The following GLP2R variants were observed in gnomAD, a reference collection of about 807,000 sequenced individuals.
GLP2R encodes the protein glucagon-like peptide 2 receptor.
Under a neutral mutation model 68.2 loss-of-function variants are expected in GLP2R, and 59 were observed. That is an observed-to-expected ratio of 0.87 (90% CI 0.70 to 1.07). The LOEUF is 1.07. Among genes scored for constraint, GLP2R ranks in the 50% least tolerant of loss-of-function variants. The pLI is 0.00. For missense variants in GLP2R, 548 were observed against 677.4 expected (o/e 0.81, Z 2.12); for synonymous variants, 270 against 265.4 (o/e 1.02, Z -0.17).
intron 9 of GLP2R, among the ~76,000 whole-genome samples, chr17:9,867,318 A>G (rs1413114739): frequency 6.6e-6 from 1 of 152,214 alleles, no homozygotes; most frequent in Non-Finnish European, 1.5e-5. Context: ...GCATTTGCTG[A>G]CCAGCATCTG....
At chr17:9,826,358 A>G (rs2066629933) in intron 1 of GLP2R, 106 bp downstream of exon 1, 2 of 723,964 alleles carry the variant, frequency 2.8e-6, no homozygotes, top group East Asian at 5.8e-5. Context: ...AGAAAACAGT[A>G]TTAAGAAAAT....
At chr17:9,880,187 C>G (rs910732680) in intron 10 of GLP2R, among the ~76,000 whole-genome samples, 191 bp from the exon 11 acceptor site, 1 of 152,178 alleles carries the variant, frequency 6.6e-6, no homozygotes, top group Non-Finnish European at 1.5e-5. Flanking sequence ...CCCCATGCGT[C>G]AAGTGTAGGA....
At chr17:9,850,518 G>A (rs997625752) in intron 4 of GLP2R, among the ~76,000 whole-genome samples, 1 of 152,076 alleles carries the variant, frequency 6.6e-6, no homozygotes. Context: ...TCGATGACTG[G>A]CAAGATTTGG....
chr17:9,881,870 G>C (rs7222481), intron 11 of GLP2R, among the ~76,000 whole-genome samples: 40,533 of 151,930 alleles, frequency 0.27, 5,763 homozygotes, highest in Non-Finnish European at 0.31. Flanking sequence ...GCACAGCAGC[G>C]CAGGTCTTCA....
intron 4 of GLP2R, 70 bp from the exon 5 acceptor site, chr17:9,854,425 G>A: frequency 1.1e-6 from 1 of 903,932 alleles, no homozygotes; most frequent in Non-Finnish European, 1.9e-6. Context: ...GTGGCCCTGG[G>A]TGTGGAGCTG....
At chr17:9,884,417 GTT>G (rs2067223647) in intron 11 of GLP2R, among the ~76,000 whole-genome samples, 1 of 152,160 alleles carries the variant, frequency 6.6e-6, no homozygotes, top group South Asian at 2.1e-4. Context: ...CAGAGATGAG[GTT>G]TTTATTCAGA....
At chr17:9,878,951 C>T (rs1047289392) in intron 10 of GLP2R, among the ~76,000 whole-genome samples, 4 of 151,974 alleles carry the variant, frequency 2.6e-5, no homozygotes, top group Non-Finnish European at 5.9e-5. Flanking sequence ...AAAATCATTA[C>T]AATTACGCTC....
intron 11 of GLP2R, among the ~76,000 whole-genome samples, chr17:9,887,050 G>A (rs942083375): frequency 6.6e-5 from 10 of 152,170 alleles, no homozygotes; most frequent in African/African-American, 2.2e-4. Context: ...ATATGTAGGA[G>A]CCTGAGAAAG....
intron 11 of GLP2R, among the ~76,000 whole-genome samples, chr17:9,886,294 G>T (rs1285554602): frequency 2.0e-5 from 3 of 152,178 alleles, no homozygotes; most frequent in African/African-American, 7.2e-5. Context: ...AAACAGCGGT[G>T]ACATATGAAG....
Position 9,841,226 on chromosome 17 carries a change from C to T in GLP2R, c.383-1269C>T, listed in dbSNP as rs551416442. Among the ~76,000 whole-genome samples, 57 of 150,690 alleles carry T rather than the reference C, an allele frequency of 3.8e-4. No homozygotes were observed. The South Asian group carries it at 4.4e-3, about 12-fold the overall frequency. On this transcript the variant is annotated intron_variant, in intron 3 of 12. Transcript: ENST00000262441. Reference sequence around the variant, plus strand: ...TATTTTTAGTAGAGACAGGGTTTCACCATGTTGGCCAGGCTGGTCTCGAAC... The same window carrying T: ...TATTTTTAGTAGAGACAGGGTTTCATCATGTTGGCCAGGCTGGTCTCGAAC...
At chr17:9,888,384 G>A (rs1208965967) in intron 12 of GLP2R, among the ~76,000 whole-genome samples, 1 of 152,160 alleles carries the variant, frequency 6.6e-6, no homozygotes, top group African/African-American at 2.4e-5. Flanking sequence ...AATCATCCCT[G>A]CTTTGTAGTC....
intron 11 of GLP2R, among the ~76,000 whole-genome samples, chr17:9,887,336 G>T (rs563289928): frequency 3.7e-4 from 56 of 152,244 alleles, no homozygotes; most frequent in East Asian, 3.7e-3. Flanking sequence ...AGACCAGCCT[G>T]CCCAACATGG....
intron 11 of GLP2R, among the ~76,000 whole-genome samples, chr17:9,881,940 A>G (rs749397016): frequency 6.6e-6 from 1 of 152,052 alleles, no homozygotes; most frequent in African/African-American, 2.4e-5. Flanking sequence ...AGGACTTCTG[A>G]GATGATAAAG....
intron 1 of GLP2R, among the ~76,000 whole-genome samples, chr17:9,828,631 G>A (rs146519913): frequency 1.2e-4 from 18 of 152,284 alleles, no homozygotes; most frequent in Admixed American, 1.1e-3. Context: ...TTAAATGGTT[G>A]CGTTCGATGC....
chr17:9,879,838 G>C (rs1480301227), intron 10 of GLP2R, among the ~76,000 whole-genome samples: 1 of 152,200 alleles, frequency 6.6e-6, no homozygotes, highest in Non-Finnish European at 1.5e-5. Context: ...GTCCAGAAAG[G>C]AGTCTGCAGG....
chr17:9,891,401 G>T lies in GLP2R; in HGVS notation c.*1696G>T, dbSNP rs2067289529. On this transcript the variant is annotated 3_prime_UTR_variant, in exon 13 of 13. Transcript: ENST00000262441. ...AACAAATTAACAAACTACAGCCCAT[G>T]AGCCATTTATAGAAATGAAATTTGA... The T allele has an allele frequency of 6.6e-6, 1 of 152,196 alleles. No individual in the cohort carries two copies. Among genetic ancestry groups the T allele is most frequent in the Non-Finnish European group, 1.5e-5 (1 of 68,034 alleles). 9.4% of individuals were successfully genotyped at this position (152,196 alleles called of 1,614,324 possible). A position where few individuals can be genotyped will look rare whatever the true frequency, so the allele number is the denominator to read the frequency against.
chr17:9,846,670 G>A (rs574099418), intron 4 of GLP2R, among the ~76,000 whole-genome samples: 1 of 152,226 alleles, frequency 6.6e-6, no homozygotes, highest in East Asian at 1.9e-4. Flanking sequence ...CTAAGTGGTG[G>A]ATATACAGAT....
rs2152052741 is a variant in GLP2R, at chr17:9,891,865, G to A, written c.*2160G>A. The A allele has an allele frequency of 6.6e-6, 1 of 152,302 alleles. No homozygotes were observed. Among genetic ancestry groups the A allele is most frequent in the East Asian group, 1.9e-4 (1 of 5,176 alleles). The allele number at this position is 152,302 out of a possible 1,614,324, so 9.4% of individuals were successfully genotyped here. A position where few individuals can be genotyped will look rare whatever the true frequency, so the allele number is the denominator to read the frequency against. On this transcript the variant is annotated 3_prime_UTR_variant, in exon 13 of 13. Coordinates refer to ENST00000262441, the MANE Select transcript of GLP2R (RefSeq NM_004246.3). ...GTATTCCCAGCAAGTACCCAGCACA[G>A]TGCCGGTTCAGAGCAGGTGCTCCAC... is the stretch of plus-strand genomic sequence containing the variant.
chr17:9,883,431 G>A (rs1179485988), intron 11 of GLP2R, among the ~76,000 whole-genome samples: 1 of 152,074 alleles, frequency 6.6e-6, no homozygotes, highest in Non-Finnish European at 1.5e-5. Context: ...AGAAATGGTA[G>A]AATAAATATT....
Sources: allele counts gnomAD v4.1 joint callset (sites outside exome capture counted in the v4.1 genomes callset), GRCh38; gene constraint gnomAD v4.1.1; transcripts MANE v1.5; gene names NCBI Gene and HGNC (gene_info 2026-07-23, HGNC 2026-07-21).